Variants in MAP3K7CL observed in about 807,000 individuals in gnomAD.
The protein encoded by MAP3K7CL is MAP3K7 C-terminal-like protein.
In MAP3K7CL, 16 loss-of-function variants were observed where a neutral mutation model predicts 18.6. The ratio of observed to expected loss-of-function variants is 0.86; its 90% CI spans 0.58 to 1.31. MAP3K7CL has a LOEUF of 1.31. Ranked by LOEUF, MAP3K7CL falls within the 50% of genes most tolerant of loss-of-function variation. The probability of loss-of-function intolerance (pLI) is 0.00; values close to 1 mark genes in which losing one functional copy is unlikely to be tolerated. For missense variants in MAP3K7CL, 163 were observed against 174.4 expected, an observed-to-expected ratio of 0.93 and a Z score of 0.37; for synonymous variants, 65 against 66.8, an observed-to-expected ratio of 0.97 and a Z score of 0.13.
Position 29,124,286 on chromosome 21 carries a change from G to A in MAP3K7CL, c.371-24903G>A, listed in dbSNP as rs139681071. Among the ~76,000 whole-genome samples, 1,081 of 150,652 alleles carry A rather than the reference G, an allele frequency of 7.2e-3. 9 individuals are homozygous for A. The highest frequency in any genetic ancestry group is 0.025 in the African/African-American group (1,011 of 40,910). On this transcript the variant is annotated intron_variant, in intron 4 of 6. Transcript: ENST00000286791. ...GGAGAATCGTTTGAACCTGGGAGGC[G>A]GAGGTTGAGGTGAGCCGATATCGCG...
At chr21:29,118,393 C>T (rs911943940) in intron 4 of MAP3K7CL, among the ~76,000 whole-genome samples, 2 of 150,586 alleles carry the variant, frequency 1.3e-5, no homozygotes, top group South Asian at 2.1e-4. Flanking sequence ...TTATGGGTAC[C>T]TTCCCTATTA....
chr21:29,136,784 G>A (rs1023549648), intron 2 of MAP3K7CL, among the ~76,000 whole-genome samples: 1 of 152,172 alleles, frequency 6.6e-6, no homozygotes, highest in Non-Finnish European at 1.5e-5. Context: ...GCCTCCCAAA[G>A]TGCTGGGATT....
Position 29,089,168 on chromosome 21 carries a change from C to CAA in MAP3K7CL, c.58-2301_58-2300dup, listed in dbSNP as rs748166183. Among the ~76,000 whole-genome samples, 588 of 68,480 alleles carry CAA rather than the reference C, an allele frequency of 8.6e-3. 53 individuals are homozygous for CAA. Among genetic ancestry groups the CAA allele is most frequent in the East Asian group, 0.034 (74 of 2,154 alleles). The allele number at this position is 68,480 out of a possible 152,430, so 44.9% of individuals were successfully genotyped here. A position where few individuals can be genotyped will look rare whatever the true frequency, so the allele number is the denominator to read the frequency against. On this transcript the variant is annotated intron_variant, in intron 1 of 6. Transcript: ENST00000286791. ...CTGGTGACAGAGCGAGACTCCGTCTCAAAAAAAAAAAAAAAAAAAAAAAAA... is the reference window on the plus strand; with the variant it reads ...CTGGTGACAGAGCGAGACTCCGTCTCAAAAAAAAAAAAAAAAAAAAAAAAAAA...
At chr21:29,169,584 C>T (rs1481696604) in intron 4 of MAP3K7CL, among the ~76,000 whole-genome samples, 2 of 152,174 alleles carry the variant, frequency 1.3e-5, no homozygotes, top group Non-Finnish European at 2.9e-5. Context: ...CTTTAGCTCA[C>T]TGGGGCCAAA....
intron 4 of MAP3K7CL, among the ~76,000 whole-genome samples, chr21:29,165,345 A>T (rs1180906318): frequency 6.6e-6 from 1 of 152,060 alleles, no homozygotes; most frequent in Non-Finnish European, 1.5e-5. Flanking sequence ...TTATTTTTTA[A>T]TTTCAATATG....
chr21:29,138,857 C>A (rs1040352039), intron 2 of MAP3K7CL, among the ~76,000 whole-genome samples: 2 of 152,070 alleles, frequency 1.3e-5, no homozygotes, highest in South Asian at 4.1e-4. Flanking sequence ...TGCATGTCTG[C>A]AGTCCCAATT....
chr21:29,095,356 C>A (rs1054718), intron 4 of MAP3K7CL, among the ~76,000 whole-genome samples: 9 of 151,820 alleles, frequency 5.9e-5, no homozygotes, highest in African/African-American at 1.7e-4. Context: ...AGGCAGGAGC[C>A]TTTTGTGTGG....
chr21:29,096,041 A>G (rs2146514409), intron 4 of MAP3K7CL, among the ~76,000 whole-genome samples: 1 of 152,280 alleles, frequency 6.6e-6, no homozygotes, highest in Non-Finnish European at 1.5e-5. Flanking sequence ...TTTTAGAAGT[A>G]GGTGTTTATA....
intron 4 of MAP3K7CL, among the ~76,000 whole-genome samples, chr21:29,095,462 C>T (rs372950671): frequency 5.3e-5 from 8 of 152,234 alleles, no homozygotes; most frequent in Non-Finnish European, 8.8e-5. Flanking sequence ...GAGCTGGAGC[C>T]GTCCTCTTTT....
chr21:29,121,053 C>CAGACCCTGTATCAAAAAA (rs139239544), intron 4 of MAP3K7CL, among the ~76,000 whole-genome samples: 1,892 of 55,440 alleles, frequency 0.034, 295 homozygotes, highest in Middle Eastern at 0.15. Flanking sequence ...GCAACAGAGT[C>CAGACCCTGTATCAAAAAA]AGATATATAT....
At chr21:29,087,474 C>T (rs2085944194) in intron 1 of MAP3K7CL, among the ~76,000 whole-genome samples, 1 of 151,810 alleles carries the variant, frequency 6.6e-6, no homozygotes, top group South Asian at 2.1e-4. Context: ...GAATGAACCT[C>T]AGTTTTTGGA....
In MAP3K7CL at chr21:29,149,296, A is replaced by G. The variant is rs774182788; in HGVS notation, c.132+46A>G. The G allele has an allele frequency of 4.5e-6, 7 of 1,558,442 alleles. 1 individual carries two copies. In the South Asian group the frequency reaches 7.8e-5, roughly 17 times the overall value. On this transcript the variant is annotated intron_variant, in intron 3 of 4. Transcript: ENST00000399928. The stretch of plus-strand genomic sequence containing the variant: ...TCTCTTCTTTCCTCCTTAGTGTCAT[A>G]AAGTATAGCGAGCTGGGCAGAGAGT...
At chr21:29,142,655 A>T (rs1012225239) in intron 2 of MAP3K7CL, among the ~76,000 whole-genome samples, 10 of 152,214 alleles carry the variant, frequency 6.6e-5, no homozygotes, top group African/African-American at 2.4e-4. Flanking sequence ...GGTTGGCTTT[A>T]TAGTGAAAAA....
chr21:29,144,489 TG>T (rs1312189856), intron 2 of MAP3K7CL, among the ~76,000 whole-genome samples: 1 of 152,216 alleles, frequency 6.6e-6, no homozygotes, highest in South Asian at 2.1e-4. Context: ...AAAATTTTAC[TG>T]GTTCATGAAA....
At chr21:29,084,601 G>A (rs1010218504), upstream of MAP3K7CL, among the ~76,000 whole-genome samples, 1 of 152,200 alleles carries the variant, frequency 6.6e-6, no homozygotes, top group African/African-American at 2.4e-5. Flanking sequence ...GAGGATCTAT[G>A]TGTCTATTTA....
chr21:29,098,482 A>C (rs1006262979), intron 4 of MAP3K7CL, among the ~76,000 whole-genome samples: 1 of 152,342 alleles, frequency 6.6e-6, no homozygotes, highest in South Asian at 2.1e-4. Context: ...ACTGGTTTTA[A>C]ATTTCTTGAG....
intron 4 of MAP3K7CL, among the ~76,000 whole-genome samples, chr21:29,160,725 A>G (rs2087526508): frequency 6.6e-6 from 1 of 152,164 alleles, no homozygotes; most frequent in South Asian, 2.1e-4. Context: ...GGGATTTCCC[A>G]TTTATTAACG....
intron 4 of MAP3K7CL, among the ~76,000 whole-genome samples, chr21:29,116,396 A>G (rs2086506179): frequency 6.6e-6 from 1 of 152,232 alleles, no homozygotes; most frequent in Admixed American, 6.5e-5. Flanking sequence ...GTAAAATCAG[A>G]GGATGATTTA....
intron 4 of MAP3K7CL, among the ~76,000 whole-genome samples, chr21:29,122,539 G>A (rs2086612149): frequency 6.6e-6 from 1 of 152,188 alleles, no homozygotes; most frequent in Non-Finnish European, 1.5e-5. Context: ...AGGGGATGGA[G>A]CGGGAACGTG....
Sources: gnomAD v4.1 joint callset for allele counts (sites outside exome capture counted in the v4.1 genomes callset) on GRCh38, gnomAD v4.1.1 for gene constraint, MANE v1.5 for transcripts, NCBI Gene and HGNC (gene_info 2026-07-23, HGNC 2026-07-21) for gene names.